Variants in RIT2 observed in about 807,000 individuals in gnomAD.
RIT2 encodes the protein GTP-binding protein Rit2.
Under a neutral mutation model 23.7 loss-of-function variants are expected in RIT2, and 24 were observed. The observed-to-expected ratio is 1.01, with a 90% CI of 0.73 to 1.43. The LOEUF is 1.43. RIT2 is among the 40% of genes most tolerant of loss of function. The pLI, the probability that RIT2 is intolerant of heterozygous loss-of-function variation, is 0.00. For synonymous variants in RIT2, 107 were observed against 91.1 expected, an observed-to-expected ratio of 1.17 and a Z score of -0.99; for missense variants, 236 against 266.9, an observed-to-expected ratio of 0.88 and a Z score of 0.81.
rs78288899 is a variant in RIT2, at chr18:43,063,817, A to G, written c.104-29950T>C. 5.2e-3 allele frequency among the ~76,000 whole-genome samples: 794 copies of G among 152,286 alleles called. 9 individuals are homozygous for G. Among genetic ancestry groups the G allele is most frequent in the African/African-American group, 0.018 (737 of 41,580 alleles). The stretch of plus-strand genomic sequence containing the variant: ...CAGGCATGTTATGTCAGTAAGTCAA[A>G]AGTGGGCTGTGGGAATGATTATGGA... On this transcript the variant is annotated intron_variant, in intron 1 of 4. Coordinates refer to ENST00000326695, the MANE Select transcript of RIT2 (RefSeq NM_002930.4).
In RIT2 at chr18:42,890,539, G is replaced by A. The variant is rs917735851; in HGVS notation, c.426+33033C>T. ...AGAGATGGAAGGAAGGAGGATGAAA[G>A]GAAGGAAGTTAAGATGGAAAGGAGG... is the stretch of plus-strand genomic sequence containing the variant. On this transcript the variant is annotated intron_variant, in intron 4 of 4. Coordinates refer to ENST00000326695, the MANE Select transcript of RIT2 (RefSeq NM_002930.4). 4.0e-5 allele frequency among the ~76,000 whole-genome samples: 6 copies of A among 151,522 alleles called. No individual in the cohort carries two copies. In the South Asian group the frequency reaches 6.3e-4, roughly 16 times the overall value.
chr18:42,990,188 G>A (rs1378653320), intron 2 of RIT2, among the ~76,000 whole-genome samples: 1 of 152,022 alleles, frequency 6.6e-6, no homozygotes, highest in Non-Finnish European at 1.5e-5. Context: ...GACTAATGGT[G>A]TAACTTCCAG....
At chr18:43,015,552 T>TA (rs1911455086) in intron 2 of RIT2, among the ~76,000 whole-genome samples, 1 of 151,742 alleles carries the variant, frequency 6.6e-6, no homozygotes, top group East Asian at 1.9e-4. Flanking sequence ...GACATACATG[T>TA]AGATAGCAAA....
At chr18:42,826,330 C>T (rs888347585) in intron 4 of RIT2, among the ~76,000 whole-genome samples, 2 of 152,054 alleles carry the variant, frequency 1.3e-5, no homozygotes, top group Non-Finnish European at 2.9e-5. Context: ...AGAATATGAA[C>T]ATCGGGATTG....
intron 3 of RIT2, among the ~76,000 whole-genome samples, chr18:42,948,593 A>G (rs1434093370): frequency 6.6e-6 from 1 of 152,128 alleles, no homozygotes; most frequent in Non-Finnish European, 1.5e-5. Context: ...AATGCAAACT[A>G]GAGAACCTCC....
chr18:42,901,047 G>A (rs992760507), intron 4 of RIT2, among the ~76,000 whole-genome samples: 3 of 151,908 alleles, frequency 2.0e-5, no homozygotes, highest in South Asian at 2.1e-4. Flanking sequence ...ATGGTTCCTT[G>A]GTATGAGACA....
At chr18:43,060,439 A>C (rs1598766351) in intron 1 of RIT2, among the ~76,000 whole-genome samples, 1 of 152,130 alleles carries the variant, frequency 6.6e-6, no homozygotes, top group African/African-American at 2.4e-5. Context: ...ATAATCCAGC[A>C]GATAAAATTG....
chr18:42,970,488 C>A (rs1237756817), intron 3 of RIT2, among the ~76,000 whole-genome samples: 2 of 151,956 alleles, frequency 1.3e-5, no homozygotes, highest in African/African-American at 4.8e-5. Context: ...AGATGAAGTG[C>A]AGGACATGCT....
At chr18:42,816,358 G>C (rs1376544127) in intron 4 of RIT2, among the ~76,000 whole-genome samples, 1 of 152,106 alleles carries the variant, frequency 6.6e-6, no homozygotes, top group Non-Finnish European at 1.5e-5. Context: ...CTGTATCTAG[G>C]GGAATGAATT....
intron 4 of RIT2, among the ~76,000 whole-genome samples, chr18:42,892,612 A>T (rs1908211122): frequency 6.6e-6 from 1 of 152,210 alleles, no homozygotes; most frequent in South Asian, 2.1e-4. Context: ...TTGAAAATGT[A>T]GTTGAAGAAA....
chr18:42,866,530 A>G (rs866541857), intron 4 of RIT2, among the ~76,000 whole-genome samples: 6 of 151,830 alleles, frequency 4.0e-5, no homozygotes, highest in Non-Finnish European at 8.8e-5. Context: ...CATTATTCCT[A>G]TTGAAAATGG....
intron 3 of RIT2, among the ~76,000 whole-genome samples, chr18:42,940,985 T>A (rs944781770): frequency 3.9e-5 from 6 of 152,128 alleles, no homozygotes; most frequent in African/African-American, 1.4e-4. Context: ...CTAGTTGATA[T>A]CTTGGAAAAT....
At chr18:43,003,118 G>A (rs1383091932) in intron 2 of RIT2, among the ~76,000 whole-genome samples, 1 of 151,914 alleles carries the variant, frequency 6.6e-6, no homozygotes, top group Non-Finnish European at 1.5e-5. Flanking sequence ...GTACCTTGAT[G>A]TTAGTCCAGT....
chr18:43,067,386 G>A (rs756153181), intron 1 of RIT2, among the ~76,000 whole-genome samples: 6 of 152,102 alleles, frequency 3.9e-5, no homozygotes, highest in Non-Finnish European at 7.4e-5. Context: ...GAGTGACCAT[G>A]TGCATGACAT....
intron 1 of RIT2, among the ~76,000 whole-genome samples, chr18:43,079,798 C>T (rs907567431): frequency 1.3e-5 from 2 of 152,142 alleles, no homozygotes; most frequent in African/African-American, 4.8e-5. Context: ...CAGTGAAGTT[C>T]GTCATGATTG....
At chr18:43,043,132 A>C (rs1016477714) in intron 1 of RIT2, among the ~76,000 whole-genome samples, 24 of 152,142 alleles carry the variant, frequency 1.6e-4, no homozygotes, top group Non-Finnish European at 3.1e-4. Flanking sequence ...AAACAATTTA[A>C]ATTTAGGATA....
chr18:42,980,553 C>T (rs1022582419), intron 2 of RIT2, among the ~76,000 whole-genome samples: 1 of 152,128 alleles, frequency 6.6e-6, no homozygotes, highest in Admixed American at 6.6e-5. Flanking sequence ...CCCAGTGTTA[C>T]TGCTCTGGAA....
chr18:42,866,355 C>A (rs1274116206), intron 4 of RIT2, among the ~76,000 whole-genome samples: 1 of 152,140 alleles, frequency 6.6e-6, no homozygotes. Context: ...TATAGTCTCT[C>A]ACAGACAAGT....
intron 3 of RIT2, among the ~76,000 whole-genome samples, chr18:42,972,110 C>T (rs955870441): frequency 3.3e-5 from 5 of 151,870 alleles, no homozygotes; most frequent in Non-Finnish European, 7.4e-5. Context: ...ATTTTAGTTG[C>T]TACAAACCCC....
Sources: gnomAD v4.1 joint callset for allele counts (sites outside exome capture counted in the v4.1 genomes callset) on GRCh38, gnomAD v4.1.1 for gene constraint, MANE v1.5 for transcripts, NCBI Gene and HGNC (gene_info 2026-07-23, HGNC 2026-07-21) for gene names.